Variants in MSL3 observed in about 807,000 individuals in gnomAD.
The protein encoded by MSL3 is MSL3-like 1.
Under a neutral mutation model 37.2 loss-of-function variants are expected in MSL3, and 5 were observed. That is an observed-to-expected ratio of 0.13 (90% CI 0.07 to 0.28). The LOEUF is 0.28. Among genes scored for constraint, MSL3 ranks in the 10% least tolerant of loss-of-function variants. The pLI, the probability that MSL3 is intolerant of heterozygous loss-of-function variation, is 1.00. For missense variants in MSL3, 315 were observed against 408.5 expected, an observed-to-expected ratio of 0.77 and a Z score of 1.97; for synonymous variants, 149 against 147.6, an observed-to-expected ratio of 1.01 and a Z score of -0.07.
In MSL3 at chrX:11,766,392, A is replaced by C. The variant is rs2053183511; in HGVS notation, c.1171+663A>C. The C allele has an allele frequency of 4.0e-6, 3 of 753,356 alleles. No individual in the cohort carries two copies. The South Asian group carries it at 2.0e-4, about 51-fold the overall frequency. The allele number at this position is 753,356 out of a possible 1,213,427, so 62.1% of individuals were successfully genotyped here. ...TTAAACTTTCAAAAACTGCTAAAAC[A>C]GGTGCCATGAATCAGGTACAATTAC... On this transcript the variant is annotated intron_variant, in intron 9 of 12. Coordinates refer to ENST00000312196, the MANE Select transcript of MSL3 (RefSeq NM_078629.4).
At chrX:11,769,916 G>C (rs980995867) in intron 10 of MSL3, among the ~76,000 whole-genome samples, 2 of 112,715 alleles carry the variant, frequency 1.8e-5, no homozygotes, top group African/African-American at 6.5e-5. Flanking sequence ...TAGGCAAAGA[G>C]CACTTGATGA....
At chrX:11,766,396 G>A in intron 9 of MSL3, 1 of 754,278 alleles carries the variant, frequency 1.3e-6, no homozygotes, top group Non-Finnish European at 1.6e-6. Flanking sequence ...TAAAACAGGT[G>A]CCATGAATCA....
chrX:11,759,920 T>C lies in MSL3; in HGVS notation c.185+45T>C, dbSNP rs947349236. 3 of 1,184,408 alleles carry C rather than the reference T, an allele frequency of 2.5e-6. No individual in the cohort carries two copies. The African/African-American group carries it at 5.3e-5, about 21-fold the overall frequency. ...CAGACTGAAAATTGATTGTCTTTGCTGCATAGAAACATTGCAGACTTAAGT... is the reference window on the plus strand; with the variant it reads ...CAGACTGAAAATTGATTGTCTTTGCCGCATAGAAACATTGCAGACTTAAGT... On this transcript the variant is annotated intron_variant, in intron 2 of 12. Transcript: ENST00000312196.
intron 9 of MSL3, chrX:11,767,340 C>A: frequency 1.5e-6 from 1 of 679,681 alleles, no homozygotes; most frequent in South Asian, 7.6e-5. Flanking sequence ...TTAAAATTCA[C>A]ACATTTAAAG....
At chrX:11,774,945 G>T in intron 12 of MSL3, 35 bp from the exon 13 acceptor site, 1 of 1,033,155 alleles carries the variant, frequency 9.7e-7, no homozygotes, top group Non-Finnish European at 1.4e-6. Flanking sequence ...TTAGTCCTTA[G>T]TATGGTGCTC....
intron 12 of MSL3, 84 bp from the exon 13 acceptor site, chrX:11,774,896 T>A (rs1371700930): frequency 1.5e-6 from 1 of 654,739 alleles, no homozygotes; most frequent in Non-Finnish European, 2.4e-6. Context: ...ACAGTTGAAA[T>A]GTTAGTAGGT....
intron 1 of MSL3, among the ~76,000 whole-genome samples, chrX:11,759,208 C>T (rs1459268879): frequency 2.7e-5 from 3 of 112,378 alleles, no homozygotes; most frequent in African/African-American, 9.7e-5. Flanking sequence ...GATGTCTGGA[C>T]AGCTCTGTCC....
At chrX:11,769,517 C>T (rs1241676332) in intron 10 of MSL3, among the ~76,000 whole-genome samples, 3 of 112,663 alleles carry the variant, frequency 2.7e-5, no homozygotes, top group South Asian at 3.6e-4. Context: ...ATTCTGTGAA[C>T]GTCTCCTAGG....
intron 7 of MSL3, 137 bp downstream of exon 7, chrX:11,763,134 G>A: frequency 9.4e-6 from 5 of 532,489 alleles, no homozygotes; most frequent in Non-Finnish European, 1.1e-5. Flanking sequence ...ATAATTCATT[G>A]AATCATCTAA....
chrX:11,768,821 G>C (rs1338479593), intron 10 of MSL3, 139 bp downstream of exon 10: 1 of 446,575 alleles, frequency 2.2e-6, no homozygotes, highest in Non-Finnish European at 3.9e-6. Flanking sequence ...GTAATTTTAT[G>C]CTTAACACTG....
intron 9 of MSL3, 128 bp downstream of exon 9, chrX:11,765,857 G>C (rs1243933865): frequency 9.0e-7 from 1 of 1,117,280 alleles, no homozygotes; most frequent in African/African-American, 1.8e-5. Context: ...TGTCCAAAGT[G>C]CTGTCATGCT....
intron 1 of MSL3, 95 bp downstream of exon 1, chrX:11,758,460 C>A: frequency 1.1e-6 from 1 of 938,519 alleles, no homozygotes; most frequent in Non-Finnish European, 1.4e-6. Flanking sequence ...GCTGAGGGAC[C>A]GGCCGGGCTC....
intron 1 of MSL3, 156 bp downstream of exon 1, chrX:11,758,521 A>C (rs1316054097): frequency 2.1e-5 from 22 of 1,045,631 alleles, no homozygotes; most frequent in Non-Finnish European, 2.3e-5. Context: ...ACAGGGCGCT[A>C]CGCCCGGGAG....
In MSL3 at chrX:11,775,069, C is replaced by T. The variant is rs780340217; in HGVS notation, c.1556C>T (p.Ala519Val). The T allele has an allele frequency of 2.7e-5, 32 of 1,198,230 alleles. No homozygotes were observed. Among genetic ancestry groups the T allele is most frequent in the Middle Eastern group, 4.6e-4 (2 of 4,332 alleles). The change falls in exon 13 of 13, where the codon GCA becomes GTA. Residue 519 changes from alanine to valine, a missense_variant. Transcript: ENST00000312196. ...EAHYSTKNPRAIY is the reference protein window; with the variant it reads ...EAHYSTKNPRVIY ...CATTACAGCACCAAGAACCCCCGGG[C>T]AATTTATTAAAATGTTGTTGGTTCT...
chrX:11,765,979 T>C, intron 9 of MSL3: 1 of 1,014,493 alleles, frequency 9.9e-7, no homozygotes, highest in South Asian at 4.0e-5. Context: ...GCCATCACTC[T>C]ACCACTTGTG....
At chrX:11,766,057 A>C (rs1017711538) in intron 9 of MSL3, 8 of 948,535 alleles carry the variant, frequency 8.4e-6, no homozygotes, top group Non-Finnish European at 9.2e-6. Context: ...AAAATGAGCA[A>C]TGCTAATGGG....
At position 11,758,623 on chromosome X, in the gene MSL3, C is replaced by G. The variant is rs1569091806; in HGVS notation, c.102+258C>G. On this transcript the variant is annotated intron_variant, in intron 1 of 12. Transcript: ENST00000312196. The stretch of plus-strand genomic sequence containing the variant: ...GCCTCGCCCATGCTTTGTCGCGTTA[C>G]CGGGGCTACCGTTTGCGCCCCCGAC... 10 of 1,147,976 alleles carry G rather than the reference C, an allele frequency of 8.7e-6. No individual in the cohort carries two copies. In the East Asian group the frequency reaches 3.3e-4, roughly 38 times the overall value. 94.6% of individuals were successfully genotyped at this position (1,147,976 alleles called of 1,213,427 possible).
intron 9 of MSL3, 93 bp from the exon 10 acceptor site, chrX:11,768,480 C>A: frequency 3.5e-6 from 2 of 564,878 alleles, no homozygotes; most frequent in Non-Finnish European, 2.9e-6. Context: ...TTCTGAGAAC[C>A]AAGTTTAGAT....
At chrX:11,773,984 C>T (rs138620105) in intron 12 of MSL3, among the ~76,000 whole-genome samples, 1,479 of 112,167 alleles carry the variant, frequency 0.013, 11 homozygotes, top group South Asian at 0.025. Context: ...GGGAAGCAAG[C>T]ATAAGGCAAA....
Sources: allele counts gnomAD v4.1 joint callset (sites outside exome capture counted in the v4.1 genomes callset), GRCh38; gene constraint gnomAD v4.1.1; transcripts MANE v1.5; gene names NCBI Gene and HGNC (gene_info 2026-07-23, HGNC 2026-07-21).